DAB1: variants seen among roughly 807,000 people sequenced by gnomAD.
The protein encoded by DAB1 is DAB adaptor protein 1.
Under a neutral mutation model 64.6 loss-of-function variants are expected in DAB1, and 15 were observed. The ratio of observed to expected loss-of-function variants is 0.23; its 90% CI spans 0.16 to 0.36. The LOEUF is 0.36. Among genes scored for constraint, DAB1 ranks in the 10% least tolerant of loss-of-function variants. The pLI is 1.00. For synonymous variants in DAB1, 235 were observed against 251.9 expected (o/e 0.93, Z 0.64); for missense variants, 596 against 706.7 (o/e 0.84, Z 1.78).
At chr1:57,044,607 G>A (rs774380369) in intron 9 of DAB1, among the ~76,000 whole-genome samples, 9 of 152,184 alleles carry the variant, frequency 5.9e-5, no homozygotes, top group Non-Finnish European at 1.2e-4. Context: ...GCATAGTTAA[G>A]GAGATCTTAC....
At chr1:58,216,622 T>C (rs1658869212) in intron 4 of DAB1, among the ~76,000 whole-genome samples, 1 of 152,232 alleles carries the variant, frequency 6.6e-6, no homozygotes, top group South Asian at 2.1e-4. Context: ...TCCACAACGG[T>C]TGAACTAACT....
intron 4 of DAB1, among the ~76,000 whole-genome samples, chr1:58,171,816 A>T (rs1656189604): frequency 6.6e-6 from 1 of 152,218 alleles, no homozygotes; most frequent in Non-Finnish European, 1.5e-5. Flanking sequence ...TCATGCCAGC[A>T]TGCTACTCTA....
intron 7 of DAB1, among the ~76,000 whole-genome samples, chr1:57,496,293 G>A (rs879507239): frequency 6.6e-6 from 1 of 152,116 alleles, no homozygotes; most frequent in Non-Finnish European, 1.5e-5. Context: ...AAGCCTTGAA[G>A]CCAACAGGAT....
intron 5 of DAB1, among the ~76,000 whole-genome samples, chr1:57,978,712 A>G (rs1645985184): frequency 6.6e-6 from 1 of 152,216 alleles, no homozygotes; most frequent in Non-Finnish European, 1.5e-5. Context: ...ACTTAAACAA[A>G]TTTACAAGAA....
At chr1:57,329,488 A>C (rs746659934) in intron 1 of DAB1, among the ~76,000 whole-genome samples, 7 of 151,804 alleles carry the variant, frequency 4.6e-5, no homozygotes, top group African/African-American at 1.7e-4. Context: ...GTTTTTTTGC[A>C]TATCTAAACA....
At chr1:57,336,183 T>G (rs1472660817) in intron 1 of DAB1, among the ~76,000 whole-genome samples, 4 of 152,222 alleles carry the variant, frequency 2.6e-5, no homozygotes, top group Non-Finnish European at 4.4e-5. Flanking sequence ...TAACTTCAAG[T>G]AAGACAAGTT....
intron 4 of DAB1, among the ~76,000 whole-genome samples, chr1:58,173,522 T>C (rs1348881879): frequency 6.6e-6 from 1 of 152,036 alleles, no homozygotes; most frequent in Admixed American, 6.5e-5. Context: ...TTAATCACTC[T>C]CTTGAATGGT....
intron 2 of DAB1, among the ~76,000 whole-genome samples, chr1:57,263,776 T>C (rs2100565660): frequency 6.6e-6 from 1 of 152,290 alleles, no homozygotes; most frequent in East Asian, 1.9e-4. Context: ...GCCAATAATT[T>C]TCATTACACT....
At chr1:57,132,099 C>T (rs1425714744) in intron 4 of DAB1, among the ~76,000 whole-genome samples, 2 of 152,116 alleles carry the variant, frequency 1.3e-5, no homozygotes, top group East Asian at 1.9e-4. Context: ...TCCTCCACTG[C>T]CAAGTCAGTG....
chr1:57,101,730 G>A (rs1654700354), intron 4 of DAB1, among the ~76,000 whole-genome samples: 1 of 152,210 alleles, frequency 6.6e-6, no homozygotes, highest in Admixed American at 6.5e-5. Flanking sequence ...GGCACTGGGG[G>A]TACAGGAGTG....
At chr1:58,130,710 C>A (rs894686973) in intron 5 of DAB1, among the ~76,000 whole-genome samples, 3 of 151,214 alleles carry the variant, frequency 2.0e-5, no homozygotes, top group African/African-American at 7.3e-5. Flanking sequence ...TTCTCCTTCA[C>A]TTATGAAGCT....
chr1:58,183,092 G>A (rs566004943), intron 4 of DAB1, among the ~76,000 whole-genome samples: 1 of 151,938 alleles, frequency 6.6e-6, no homozygotes, highest in South Asian at 2.1e-4. Context: ...TTCATTTTAA[G>A]CCTGGATTCT....
chr1:57,951,555 T>C (rs921375487), intron 5 of DAB1, among the ~76,000 whole-genome samples: 13 of 151,978 alleles, frequency 8.6e-5, no homozygotes, highest in Admixed American at 7.9e-4. Context: ...AAATTCAGAA[T>C]ATGGCACTTC....
At chr1:58,045,270 G>C (rs561729638) in intron 5 of DAB1, among the ~76,000 whole-genome samples, 1 of 152,262 alleles carries the variant, frequency 6.6e-6, no homozygotes, top group South Asian at 2.1e-4. Flanking sequence ...ACTCCGACGG[G>C]TCTGCTGGCA....
At chr1:58,056,262 G>A in intron 5 of DAB1, 1 of 1,331,638 alleles carries the variant, frequency 7.5e-7, no homozygotes, top group South Asian at 1.2e-5. Context: ...AACTCACACA[G>A]TAATGTAGCT....
intron 5 of DAB1, among the ~76,000 whole-genome samples, chr1:57,922,260 T>G (rs1644818813): frequency 6.6e-6 from 1 of 151,514 alleles, no homozygotes; most frequent in Non-Finnish European, 1.5e-5. Context: ...AGTACAGGCC[T>G]GCCATTAAGT....
intron 6 of DAB1, among the ~76,000 whole-genome samples, chr1:57,813,642 A>T (rs1036004469): frequency 2.0e-5 from 3 of 152,230 alleles, no homozygotes; most frequent in Admixed American, 6.5e-5. Flanking sequence ...TGAAGTGAAT[A>T]TGCTGTGTAG....
chr1:57,586,702 G>T (rs1165923391), intron 7 of DAB1, among the ~76,000 whole-genome samples: 2 of 151,662 alleles, frequency 1.3e-5, no homozygotes, highest in African/African-American at 4.8e-5. Flanking sequence ...TCTTCCAGCA[G>T]AGTGCATTTT....
At chr1:58,033,183 G>T (rs1646994942) in intron 5 of DAB1, among the ~76,000 whole-genome samples, 1 of 152,212 alleles carries the variant, frequency 6.6e-6, no homozygotes, top group Admixed American at 6.5e-5. Flanking sequence ...GGATTAAAGA[G>T]AAAGTGGACA....
Sources: allele counts gnomAD v4.1 joint callset (sites outside exome capture counted in the v4.1 genomes callset), GRCh38; gene constraint gnomAD v4.1.1; transcripts MANE v1.5; gene names NCBI Gene and HGNC (gene_info 2026-07-23, HGNC 2026-07-21).